The following AHRR variants were observed in gnomAD, a reference collection of about 807,000 sequenced individuals.
AHRR encodes the protein ahR repressor.
A neutral mutation model predicts 44.0 loss-of-function variants in AHRR; 28 were observed. The ratio of observed to expected loss-of-function variants is 0.64; its 90% CI spans 0.47 to 0.87. The LOEUF is 0.87. AHRR is among the 40% of genes least tolerant of loss of function. AHRR has a pLI of 0.00. For synonymous variants in AHRR, 434 were observed against 407.0 expected (o/e 1.07, Z -0.80); for missense variants, 990 against 953.9 (o/e 1.04, Z -0.50).
chr5:340,210 C>T (rs11739540), intron 1 of AHRR, among the ~76,000 whole-genome samples: 29,102 of 152,046 alleles, frequency 0.19, 3,807 homozygotes, highest in African/African-American at 0.36. Context: ...TCCAGATTAT[C>T]TGTTTTTTCT....
At chr5:415,440 CG>C (rs1560915978) in intron 5 of AHRR, among the ~76,000 whole-genome samples, 3 of 33,416 alleles carry the variant, frequency 9.0e-5, no homozygotes, top group African/African-American at 5.1e-4. Context: ...TCTGCCTGGT[CG>C]GGCGGGAGGC....
chr5:351,350 G>T (rs116489156), intron 2 of AHRR, among the ~76,000 whole-genome samples: 1 of 152,132 alleles, frequency 6.6e-6, no homozygotes, highest in African/African-American at 2.4e-5. Context: ...AGGAGACAAC[G>T]CAAACGTCCA....
At chr5:371,432 C>A (rs1743578011) in intron 3 of AHRR, among the ~76,000 whole-genome samples, 2 of 152,344 alleles carry the variant, frequency 1.3e-5, no homozygotes, top group Admixed American at 6.5e-5. Context: ...TTCAGCCCAG[C>A]CCTGCTCTAG....
chr5:380,284 T>G (rs1328806392), intron 4 of AHRR, among the ~76,000 whole-genome samples: 1 of 152,170 alleles, frequency 6.6e-6, no homozygotes, highest in African/African-American at 2.4e-5. Flanking sequence ...AATTTTATTC[T>G]TCCTCAGAAT....
chr5:407,955 C>A (rs897933742), intron 4 of AHRR, among the ~76,000 whole-genome samples: 11 of 152,154 alleles, frequency 7.2e-5, no homozygotes, highest in African/African-American at 2.4e-4. Context: ...TTTTTCATAC[C>A]GAATTGCATC....
At chr5:415,778 C>T (rs1735779955) in intron 5 of AHRR, among the ~76,000 whole-genome samples, 1 of 152,084 alleles carries the variant, frequency 6.6e-6, no homozygotes, top group Non-Finnish European at 1.5e-5. Flanking sequence ...CCCGCTCGCC[C>T]ACACTAGTCC....
In AHRR at chr5:437,335, G is replaced by C. The variant is rs999057252; in HGVS notation, c.*2501G>C. 8.5e-5 allele frequency: 13 copies of C among 152,342 alleles called. No homozygotes were observed. Among genetic ancestry groups the C allele is most frequent in the African/African-American group, 3.1e-4 (13 of 41,446 alleles). The allele number at this position is 152,342 out of a possible 1,614,324, so 9.4% of individuals were successfully genotyped here. A position where few individuals can be genotyped will look rare whatever the true frequency, so the allele number is the denominator to read the frequency against. On this transcript the variant is annotated 3_prime_UTR_variant, in exon 11 of 11. Coordinates refer to ENST00000684583, the MANE Select transcript of AHRR (RefSeq NM_001377236.1). ...AGCAGCTCCCTTCAGCCTGGGCGCCGCCTGGGTCCCAAACGTGGCAGCTGC... is the reference window on the plus strand; with the variant it reads ...AGCAGCTCCCTTCAGCCTGGGCGCCCCCTGGGTCCCAAACGTGGCAGCTGC...
intron 4 of AHRR, among the ~76,000 whole-genome samples, chr5:391,835 G>A (rs1397190083): frequency 2.5e-5 from 1 of 40,684 alleles, no homozygotes; most frequent in Non-Finnish European, 4.1e-5. Context: ...CGAGGAGGGC[G>A]CAGGGTGAGG....
chr5:397,609 T>C (rs111843021), intron 4 of AHRR, among the ~76,000 whole-genome samples: 73 of 38,912 alleles, frequency 1.9e-3, no homozygotes, highest in Admixed American at 2.2e-3. Flanking sequence ...TCCACGTAGC[T>C]CCTGACCATC....
chr5:432,203 T>C (rs1579715667), intron 8 of AHRR: 2 of 451,078 alleles, frequency 4.4e-6, no homozygotes, highest in East Asian at 8.6e-5. Flanking sequence ...GATTTTATCC[T>C]TCTACTTTCT....
Position 434,637 on chromosome 5 carries a change from C to A in AHRR, c.1897C>A (p.Gln633Lys). 6.4e-7 allele frequency: 1 copy of A among 1,562,474 alleles called. No homozygotes were observed. The highest frequency in any genetic ancestry group is 1.2e-5 in the South Asian group (1 of 85,292). The change falls in exon 11 of 11, where the codon CAG (glutamine) becomes AAG (lysine). Residue 633 changes from glutamine (Q) to lysine (K), a missense_variant. Gln to Lys is a moderately conservative substitution (Grantham distance 53). Coordinates refer to ENST00000684583, the MANE Select transcript of AHRR (RefSeq NM_001377236.1). Reference protein sequence around the residue: ...DGLPQSEPPHQLCARGRGEQS... With the variant: ...DGLPQSEPPHKLCARGRGEQS... ...CCTTCCCCAGTCGGAGCCTCCCCACCAGCTCTGTGCACGGGGCCGAGGTGA... is the reference window on the plus strand; with the variant it reads ...CCTTCCCCAGTCGGAGCCTCCCCACAAGCTCTGTGCACGGGGCCGAGGTGA...
intron 4 of AHRR, among the ~76,000 whole-genome samples, chr5:403,250 T>C (rs1025472387): frequency 6.6e-6 from 1 of 151,998 alleles, no homozygotes; most frequent in African/African-American, 2.4e-5. Flanking sequence ...AGTTTCAGTT[T>C]GGGAGGGTGG....
rs1301424201 is a variant in AHRR, at chr5:343,877, C to T, written c.-10-16C>T. ...CGTGGCGCGTTCCGGTGACCGGGTGCCCCCTTGTCTTCCAGGCCGAGGACG... is the reference window on the plus strand; with the variant it reads ...CGTGGCGCGTTCCGGTGACCGGGTGTCCCCTTGTCTTCCAGGCCGAGGACG... On this transcript the variant is annotated splice_polypyrimidine_tract_variant and intron_variant, in intron 1 of 10. Coordinates refer to ENST00000684583, the MANE Select transcript of AHRR (RefSeq NM_001377236.1). The T allele has an allele frequency of 1.3e-6, 2 of 1,592,796 alleles. No individual in the cohort carries two copies. Among genetic ancestry groups the T allele is most frequent in the Admixed American group, 1.7e-5 (1 of 58,912 alleles).
At chr5:432,365 T>A in intron 8 of AHRR, 98 bp from the exon 9 acceptor site, 1 of 1,191,048 alleles carries the variant, frequency 8.4e-7, no homozygotes, top group East Asian at 2.4e-5. Context: ...GTGACAGCAA[T>A]ACCTGTCATT....
intron 4 of AHRR, among the ~76,000 whole-genome samples, chr5:393,550 C>T (rs1470789840): frequency 2.0e-5 from 3 of 152,364 alleles, no homozygotes; most frequent in African/African-American, 7.2e-5. Flanking sequence ...CGTGGCCTTG[C>T]TGCTGAGCCT....
intron 5 of AHRR, among the ~76,000 whole-genome samples, chr5:421,837 G>A (rs2672778): frequency 6.6e-6 from 1 of 151,958 alleles, no homozygotes; most frequent in Non-Finnish European, 1.5e-5. Context: ...CCTTTAGGGT[G>A]AGTTTGTTAG....
At chr5:415,637 G>C (rs113121025) in intron 5 of AHRR, among the ~76,000 whole-genome samples, 1,284 of 90,726 alleles carry the variant, frequency 0.014, 2 homozygotes, top group Non-Finnish European at 0.022. Flanking sequence ...GGCCGAATCT[G>C]CCTGGTGGGG....
rs773488560 is a variant in AHRR, at chr5:433,888, G to A, written c.1148G>A (p.Arg383Lys). Residue 383 changes from arginine to lysine, a missense_variant, in exon 11 of 11, where the codon AGG (arginine) becomes AAG (lysine). Coordinates refer to ENST00000684583, the MANE Select transcript of AHRR (RefSeq NM_001377236.1). ...GAGGAGCAGCACAGGATGCTGAGCA[G>A]GGCCTCTGGAGTGACAGGGCGGAGG... is the stretch of plus-strand genomic sequence containing the variant. ...REEEQHRMLS[R>K]ASGVTGRRET... 1 of 1,514,584 alleles carries A rather than the reference G, an allele frequency of 6.6e-7. No individual in the cohort carries two copies. Among genetic ancestry groups the A allele is most frequent in the Non-Finnish European group, 8.8e-7 (1 of 1,133,978 alleles). 93.8% of individuals were successfully genotyped at this position (1,514,584 alleles called of 1,614,324 possible). A position where few individuals can be genotyped will look rare whatever the true frequency, so the allele number is the denominator to read the frequency against.
chr5:349,349 G>A (rs981542145), intron 2 of AHRR, among the ~76,000 whole-genome samples: 6 of 152,140 alleles, frequency 3.9e-5, no homozygotes, highest in Non-Finnish European at 7.3e-5. Flanking sequence ...AGGCCGAGGC[G>A]GGAGGACCAC....
Sources: gnomAD v4.1 joint callset for allele counts (sites outside exome capture counted in the v4.1 genomes callset) on GRCh38, gnomAD v4.1.1 for gene constraint, MANE v1.5 for transcripts, NCBI Gene and HGNC (gene_info 2026-07-23, HGNC 2026-07-21) for gene names.